SLC36A1: variants seen among roughly 807,000 people sequenced by gnomAD.
The protein encoded by SLC36A1 is solute carrier family 36 member 1, also known as proton-coupled amino acid transporter 1.
A neutral mutation model predicts 47.5 loss-of-function variants in SLC36A1; 30 were observed. The observed-to-expected ratio is 0.63, with a 90% CI of 0.47 to 0.86. The LOEUF (loss-of-function observed/expected upper bound fraction) is 0.86, where lower values mean the gene tolerates loss of function less well. SLC36A1 is among the 40% of genes least tolerant of loss of function. SLC36A1 has a pLI of 0.00. For missense variants in SLC36A1, 517 were observed against 606.0 expected, an observed-to-expected ratio of 0.85 and a Z score of 1.54; for synonymous variants, 255 against 249.7, an observed-to-expected ratio of 1.02 and a Z score of -0.20.
the SLC36A1 span, chr5:151,531,485 T>TA: frequency 6.8e-7 from 1 of 1,475,182 alleles, no homozygotes; most frequent in South Asian, 1.3e-5. This position sits in a 1 kb window ranked among gnomAD's most constrained non-coding sequence, Gnocchi z 5.7. Context: ...AGGTCTGCTC[T>TA]GGGAGGCGCT....
At chr5:151,458,682 C>A in intron 1 of SLC36A1, 106 bp from the exon 2 acceptor site, 1 of 1,223,216 alleles carries the variant, frequency 8.2e-7, no homozygotes, top group Non-Finnish European at 1.1e-6. Flanking sequence ...GGAGCTGTCA[C>A]AGTGAGCAAC....
chr5:151,479,096 TTAAA>T (rs1385978966), intron 9 of SLC36A1, among the ~76,000 whole-genome samples: 8 of 152,274 alleles, frequency 5.3e-5, no homozygotes, highest in African/African-American at 1.7e-4. Context: ...TCTTTCCTTC[TTAAA>T]TAATGCTGCA....
At chr5:151,371,052 C>A in the SLC36A1 span, among the ~76,000 whole-genome samples, 1 of 152,014 alleles carries the variant, frequency 6.6e-6, no homozygotes, top group Non-Finnish European at 1.5e-5. Flanking sequence ...CATTGTAGAA[C>A]GTTTAGCAGC....
Position 151,479,396 on chromosome 5 carries a change from G to A in SLC36A1, c.1066G>A (p.Glu356Lys). 1 of 1,614,228 alleles carries A rather than the reference G, an allele frequency of 6.2e-7. No homozygotes were observed. Among genetic ancestry groups the A allele is most frequent in the Non-Finnish European group, 8.5e-7 (1 of 1,180,038 alleles). The change falls in exon 10 of 11, where the codon GAG (glutamate) becomes AAG (lysine). Residue 356 changes from glutamate to lysine, a missense_variant. Physicochemically the swap from Glu to Lys is moderately conservative, Grantham distance 56 (BLOSUM62 1). Transcript: ENST00000243389. ...CGCACTCCAGTTCTACGTCCCGGCTGAGATCATCATCCCCTTCTTTGTGTC... is the reference window on the plus strand; with the variant it reads ...CGCACTCCAGTTCTACGTCCCGGCTAAGATCATCATCCCCTTCTTTGTGTC... ...TYALQFYVPA[E>K]IIIPFFVSRA... is the part of the protein sequence containing the mutation.
chr5:151,431,754 G>C, the SLC36A1 span, among the ~76,000 whole-genome samples: 7 of 152,326 alleles, frequency 4.6e-5, no homozygotes, highest in African/African-American at 1.4e-4. Context: ...ACGTGGAACT[G>C]TAAGTCCATT....
the SLC36A1 span, among the ~76,000 whole-genome samples, chr5:151,374,620 T>C: frequency 6.6e-6 from 1 of 152,202 alleles, no homozygotes. Flanking sequence ...GATTGTTCTA[T>C]TTTTAGTTTT....
chr5:151,500,784 C>T, the SLC36A1 span, among the ~76,000 whole-genome samples: 7 of 152,328 alleles, frequency 4.6e-5, no homozygotes, highest in Middle Eastern at 3.4e-3. Flanking sequence ...ATGGTAGTGA[C>T]GGTCACGATG....
Position 151,488,443 on chromosome 5 carries a change from C to T in SLC36A1, c.*189C>T, listed in dbSNP as rs530955389. ...CAGGGGAGAGGTGGGGTGGCAGACA[C>T]GCAGAAGTGCTACTAGTGACAGGGC... On this transcript the variant is annotated 3_prime_UTR_variant, in exon 11 of 11. Coordinates refer to ENST00000243389, the MANE Select transcript of SLC36A1 (RefSeq NM_078483.4). The T allele has an allele frequency of 3.5e-5, 24 of 684,788 alleles. No individual in the cohort carries two copies. Among genetic ancestry groups the T allele is most frequent in the East Asian group, 5.5e-5 (2 of 36,204 alleles). The allele number at this position is 684,788 out of a possible 1,614,324, so 42.4% of individuals were successfully genotyped here. A position where few individuals can be genotyped will look rare whatever the true frequency, so the allele number is the denominator to read the frequency against.
At chr5:151,483,526 T>TGGGGG (rs373395419) in intron 10 of SLC36A1, among the ~76,000 whole-genome samples, 1 of 140,854 alleles carries the variant, frequency 7.1e-6, no homozygotes, top group Non-Finnish European at 1.5e-5. Context: ...GTGGGGGGGG[T>TGGGGG]GATTAGGGGA....
chr5:151,385,035 T>A, the SLC36A1 span, among the ~76,000 whole-genome samples: 1 of 149,860 alleles, frequency 6.7e-6, no homozygotes, highest in Admixed American at 6.6e-5. Context: ...TGTGTGTGTG[T>A]GTGAGAGAGA....
At chr5:151,450,779 A>G (rs1023790974) in intron 1 of SLC36A1, 2 of 152,262 alleles carry the variant, frequency 1.3e-5, no homozygotes, top group African/African-American at 4.8e-5. Flanking sequence ...AGATGAGTGA[A>G]TAGTCTTCTG....
At chr5:151,434,755 C>T (rs1433703622), upstream of SLC36A1, among the ~76,000 whole-genome samples, 1 of 152,156 alleles carries the variant, frequency 6.6e-6, no homozygotes, top group Non-Finnish European at 1.5e-5. Context: ...TGTGTCCTCT[C>T]TGCTCTTTGC....
the SLC36A1 span, among the ~76,000 whole-genome samples, chr5:151,390,327 T>C: frequency 6.6e-6 from 1 of 152,356 alleles, no homozygotes; most frequent in Non-Finnish European, 1.5e-5. Flanking sequence ...GATGAGTAGA[T>C]TGCAAAATTT....
chr5:151,347,583 G>C, the SLC36A1 span: 1 of 1,307,040 alleles, frequency 7.7e-7, no homozygotes, highest in Non-Finnish European at 1.1e-6. Context: ...GCTGGCTCTG[G>C]CCAAGCTGGA....
chr5:151,402,510 T>A, the SLC36A1 span, among the ~76,000 whole-genome samples: 1 of 152,218 alleles, frequency 6.6e-6, no homozygotes, highest in Non-Finnish European at 1.5e-5. Context: ...CTATATAGAA[T>A]GAGTTAGGGA....
the SLC36A1 span, among the ~76,000 whole-genome samples, chr5:151,537,267 ATGG>A: frequency 7.9e-4 from 118 of 149,048 alleles, no homozygotes; most frequent in East Asian, 6.1e-3. Flanking sequence ...TAAGAAGACG[ATGG>A]TGGTGGTGGA....
the SLC36A1 span, among the ~76,000 whole-genome samples, chr5:151,358,619 G>A: frequency 6.6e-6 from 1 of 152,144 alleles, no homozygotes; most frequent in African/African-American, 2.4e-5. Flanking sequence ...CAACATTACT[G>A]ACTGGAGAAG....
the SLC36A1 span, among the ~76,000 whole-genome samples, chr5:151,429,743 G>C: frequency 6.6e-6 from 1 of 152,110 alleles, no homozygotes; most frequent in Non-Finnish European, 1.5e-5. Flanking sequence ...TGCATCCTTA[G>C]AAGCCATTTA....
chr5:151,482,081 C>T (rs1021279783), intron 10 of SLC36A1, among the ~76,000 whole-genome samples: 2 of 152,196 alleles, frequency 1.3e-5, no homozygotes, highest in East Asian at 3.8e-4. Context: ...CCTAAAATCG[C>T]ATCATCCAAG....
Sources: allele counts gnomAD v4.1 joint callset (sites outside exome capture counted in the v4.1 genomes callset), GRCh38; gene constraint gnomAD v4.1.1; non-coding constraint Gnocchi (gnomAD v3.1); transcripts MANE v1.5; gene names NCBI Gene and HGNC (gene_info 2026-07-23, HGNC 2026-07-21).